GABBR2: variants seen among roughly 807,000 people sequenced by gnomAD.
GABBR2 encodes G-protein coupled receptor 51.
GABBR2 carries 23 observed loss-of-function variants against 105.6 expected under a neutral mutation model. The observed-to-expected ratio is 0.22, with a 90% CI of 0.16 to 0.31. The LOEUF (loss-of-function observed/expected upper bound fraction) is 0.31. Among genes scored for constraint, GABBR2 ranks in the 10% least tolerant of loss-of-function variants. The probability of loss-of-function intolerance (pLI) is 1.00; values close to 1 mark genes in which losing one functional copy is unlikely to be tolerated. For synonymous variants in GABBR2, 478 were observed against 499.7 expected (o/e 0.96, Z 0.58); for missense variants, 734 against 1,245.5 (o/e 0.59, Z 6.18).
intron 1 of GABBR2, among the ~76,000 whole-genome samples, chr9:98,639,629 C>T (rs542279892): frequency 2.0e-5 from 3 of 152,198 alleles, no homozygotes; most frequent in South Asian, 2.1e-4. Flanking sequence ...ATACAAGACC[C>T]ACTTACAATG....
intron 7 of GABBR2, among the ~76,000 whole-genome samples, chr9:98,431,513 T>G (rs576721837): frequency 1.3e-5 from 2 of 151,916 alleles, no homozygotes; most frequent in Admixed American, 6.6e-5. Flanking sequence ...TAAGCACAGT[T>G]ATGAAGTTTG....
chr9:98,490,651 A>G (rs1431762735), intron 4 of GABBR2, among the ~76,000 whole-genome samples: 1 of 152,228 alleles, frequency 6.6e-6, no homozygotes, highest in Admixed American at 6.5e-5. Context: ...GAAATAATGT[A>G]CCACATATTC....
At chr9:98,331,978 TAAC>T (rs1416151059) in intron 13 of GABBR2, among the ~76,000 whole-genome samples, 1 of 152,174 alleles carries the variant, frequency 6.6e-6, no homozygotes, top group Non-Finnish European at 1.5e-5. Flanking sequence ...GTGCTGGAGA[TAAC>T]AACAGTCCAG....
intron 7 of GABBR2, among the ~76,000 whole-genome samples, chr9:98,413,557 C>T (rs1036575473): frequency 7.9e-5 from 12 of 152,110 alleles, no homozygotes; most frequent in African/African-American, 2.7e-4. Context: ...CACAAGCCTT[C>T]AGGAATGTTT....
At chr9:98,583,252 A>G (rs1265042241) in intron 1 of GABBR2, among the ~76,000 whole-genome samples, 8 of 152,228 alleles carry the variant, frequency 5.3e-5, no homozygotes, top group African/African-American at 1.9e-4. Context: ...CCTAATTTCT[A>G]ATGCTGTGTC....
At chr9:98,565,409 C>T (rs558177268) in intron 2 of GABBR2, among the ~76,000 whole-genome samples, 1 of 152,276 alleles carries the variant, frequency 6.6e-6, no homozygotes, top group African/African-American at 2.4e-5. Context: ...GGGACGATGC[C>T]AGGCTTAAGG....
chr9:98,318,891 TTGTG>T (rs111952099), intron 13 of GABBR2, among the ~76,000 whole-genome samples: 89 of 148,374 alleles, frequency 6.0e-4, no homozygotes, highest in African/African-American at 1.4e-3. Flanking sequence ...AAATGTGAGT[TTGTG>T]TGTGTGTGTG....
At chr9:98,403,300 A>G (rs1199398495) in intron 8 of GABBR2, among the ~76,000 whole-genome samples, 1 of 151,448 alleles carries the variant, frequency 6.6e-6, no homozygotes, top group Non-Finnish European at 1.5e-5. Context: ...TCTCAAAAAA[A>G]AAAAAAAAAA....
chr9:98,493,831 C>T (rs7861346), intron 4 of GABBR2, among the ~76,000 whole-genome samples: 71 of 152,060 alleles, frequency 4.7e-4, no homozygotes, highest in South Asian at 1.0e-3. Flanking sequence ...GAGCAAATTA[C>T]GTTGGGTTTT....
chr9:98,605,969 C>T (rs2131809004), intron 1 of GABBR2, among the ~76,000 whole-genome samples: 1 of 152,198 alleles, frequency 6.6e-6, no homozygotes, highest in South Asian at 2.1e-4. Context: ...GTTCCCCTTC[C>T]TGTGTCCAAG....
rs148001921 is a variant in GABBR2, at chr9:98,359,702, T to G, written c.1893+3013A>C. Among the ~76,000 whole-genome samples the G allele has an allele frequency of 9.6e-3, 1,466 of 152,330 alleles. 12 individuals are homozygous for G. The highest frequency in any genetic ancestry group is 0.015 in the Non-Finnish European group (1,054 of 68,032). ...TGCAGGTTTAGTCTGCTCCCTGATT[T>G]GCCTGCAGGCTGCCATGAGGCTGTG... On this transcript the variant is annotated intron_variant, in intron 13 of 18. Coordinates refer to ENST00000259455, the MANE Select transcript of GABBR2 (RefSeq NM_005458.8).
intron 1 of GABBR2, among the ~76,000 whole-genome samples, chr9:98,579,375 A>C (rs1310872575): frequency 2.0e-5 from 3 of 152,164 alleles, no homozygotes; most frequent in Non-Finnish European, 2.9e-5. Flanking sequence ...ATCAGGATTC[A>C]GTTCTGGCTC....
intron 1 of GABBR2, among the ~76,000 whole-genome samples, chr9:98,588,748 C>T (rs1001465508): frequency 3.9e-5 from 6 of 152,162 alleles, no homozygotes; most frequent in African/African-American, 7.2e-5. Context: ...CCCCTCCCCC[C>T]GACAATTAGG....
chr9:98,358,103 A>T (rs1391298886), intron 13 of GABBR2, among the ~76,000 whole-genome samples: 1 of 152,296 alleles, frequency 6.6e-6, no homozygotes, highest in East Asian at 1.9e-4. Flanking sequence ...GCACGTATCC[A>T]TTCTGTTCCT....
intron 7 of GABBR2, among the ~76,000 whole-genome samples, chr9:98,410,868 C>T (rs931448804): frequency 1.3e-5 from 2 of 152,216 alleles, no homozygotes; most frequent in Non-Finnish European, 2.9e-5. Flanking sequence ...CTTTCCCTTT[C>T]ATTCTTCCTG....
chr9:98,321,920 C>G (rs1184612773), intron 13 of GABBR2, among the ~76,000 whole-genome samples: 1 of 152,170 alleles, frequency 6.6e-6, no homozygotes, highest in Non-Finnish European at 1.5e-5. Flanking sequence ...CAGCCCTGGC[C>G]TGAAACTCGT....
intron 1 of GABBR2, among the ~76,000 whole-genome samples, chr9:98,588,544 T>C (rs1829105734): frequency 6.6e-6 from 1 of 152,234 alleles, no homozygotes; most frequent in African/African-American, 2.4e-5. Context: ...CTATGAACCA[T>C]GTCCCATTAT....
intron 7 of GABBR2, among the ~76,000 whole-genome samples, chr9:98,421,240 T>C (rs971776931): frequency 2.0e-5 from 3 of 152,236 alleles, no homozygotes; most frequent in South Asian, 2.1e-4. Flanking sequence ...CCACATCATT[T>C]TGATGACATC....
intron 7 of GABBR2, among the ~76,000 whole-genome samples, chr9:98,435,955 T>G (rs1191613133): frequency 2.0e-5 from 3 of 152,134 alleles, no homozygotes; most frequent in African/African-American, 7.2e-5. Context: ...CATTTATATT[T>G]AAATGGTTAT....
Sources: gnomAD v4.1 joint callset for allele counts (sites outside exome capture counted in the v4.1 genomes callset) on GRCh38, gnomAD v4.1.1 for gene constraint, MANE v1.5 for transcripts, NCBI Gene and HGNC (gene_info 2026-07-23, HGNC 2026-07-21) for gene names.